Variants in TENM4 observed in about 807,000 individuals in gnomAD.
The protein encoded by TENM4 is teneurin transmembrane protein 4.
TENM4 carries 82 observed loss-of-function variants against 243.3 expected under a neutral mutation model. The observed-to-expected ratio is 0.34, with a 90% CI of 0.28 to 0.40. The LOEUF is 0.40. Ranked by LOEUF, TENM4 falls within the 10% of genes least tolerant of loss-of-function variation. TENM4 has a pLI of 1.00. For missense variants in TENM4, 3,138 were observed against 3,673.3 expected (o/e 0.85, Z 3.77); for synonymous variants, 1,412 against 1,456.3 (o/e 0.97, Z 0.69).
At chr11:79,106,565 G>A (rs907975122) in intron 4 of TENM4, among the ~76,000 whole-genome samples, 1 of 152,252 alleles carries the variant, frequency 6.6e-6, no homozygotes, top group Non-Finnish European at 1.5e-5. Context: ...GTGCTTGACA[G>A]ACGTCGGTCC....
At chr11:78,983,601 T>C (rs1367743413) in intron 6 of TENM4, among the ~76,000 whole-genome samples, 1 of 152,214 alleles carries the variant, frequency 6.6e-6, no homozygotes, top group Admixed American at 6.5e-5. Context: ...TACTGGAGAC[T>C]AGCGGCTTCC....
chr11:78,847,278 G>A (rs142516987), intron 12 of TENM4, among the ~76,000 whole-genome samples: 23 of 152,302 alleles, frequency 1.5e-4, no homozygotes, highest in African/African-American at 5.1e-4. Context: ...GGTTCCTGCA[G>A]TGTCCTTGGG....
chr11:79,162,781 C>G (rs1862779730), intron 3 of TENM4, among the ~76,000 whole-genome samples: 1 of 152,180 alleles, frequency 6.6e-6, no homozygotes, highest in Non-Finnish European at 1.5e-5. Flanking sequence ...GAAGGTCTCC[C>G]TCCTGGCTCC....
At chr11:79,204,762 C>T (rs1863815407) in intron 3 of TENM4, among the ~76,000 whole-genome samples, 1 of 152,174 alleles carries the variant, frequency 6.6e-6, no homozygotes, top group African/African-American at 2.4e-5. Flanking sequence ...GAGTCTTACA[C>T]ATGTGCACAA....
chr11:78,923,804 T>C (rs1856496934), intron 6 of TENM4, among the ~76,000 whole-genome samples: 1 of 144,706 alleles, frequency 6.9e-6, no homozygotes, highest in African/African-American at 2.5e-5. Context: ...CCTCCGAAAG[T>C]GCTAGGATTA....
At chr11:79,193,901 C>T (rs1206100013) in intron 3 of TENM4, among the ~76,000 whole-genome samples, 1 of 152,152 alleles carries the variant, frequency 6.6e-6, no homozygotes, top group Non-Finnish European at 1.5e-5. Flanking sequence ...GCTGCTGAGA[C>T]ATCCAGACAG....
intron 3 of TENM4, among the ~76,000 whole-genome samples, chr11:79,149,797 G>A (rs1265798380): frequency 6.6e-6 from 1 of 152,074 alleles, no homozygotes; most frequent in Non-Finnish European, 1.5e-5. Context: ...CTGTAATAAG[G>A]TATGTGAGCA....
intron 6 of TENM4, among the ~76,000 whole-genome samples, chr11:78,978,102 G>C (rs562858471): frequency 1.3e-5 from 2 of 152,034 alleles, no homozygotes; most frequent in Non-Finnish European, 2.9e-5. Context: ...ACTAACACAG[G>C]AACAGAAAAC....
chr11:78,935,393 A>G (rs1856763519), intron 6 of TENM4, among the ~76,000 whole-genome samples: 1 of 152,198 alleles, frequency 6.6e-6, no homozygotes, highest in Admixed American at 6.5e-5. Flanking sequence ...ATTAAGTTCC[A>G]GGCACCTTTT....
At chr11:78,884,162 T>C (rs1224414489) in intron 9 of TENM4, among the ~76,000 whole-genome samples, 3 of 152,192 alleles carry the variant, frequency 2.0e-5, no homozygotes, top group Admixed American at 6.5e-5. Flanking sequence ...ACTTTACAGA[T>C]AGGGCAACTG....
intron 1 of TENM4, among the ~76,000 whole-genome samples, chr11:79,385,890 C>T (rs1170526384): frequency 6.6e-6 from 1 of 152,114 alleles, no homozygotes; most frequent in Non-Finnish European, 1.5e-5. Flanking sequence ...CCCTCCAAAC[C>T]CCACTTGCCA....
At chr11:78,745,037 C>T (rs1856015135) in intron 19 of TENM4, among the ~76,000 whole-genome samples, 1 of 152,034 alleles carries the variant, frequency 6.6e-6, no homozygotes, top group Non-Finnish European at 1.5e-5. Flanking sequence ...TTTGTATTTA[C>T]CTTGCAAGAA....
chr11:79,020,967 T>G (rs1007752798), intron 6 of TENM4, among the ~76,000 whole-genome samples: 3 of 152,184 alleles, frequency 2.0e-5, no homozygotes, highest in African/African-American at 4.8e-5. Flanking sequence ...CCTAATAGAA[T>G]GCACAGTGTT....
intron 2 of TENM4, among the ~76,000 whole-genome samples, chr11:79,277,446 G>T (rs1856077898): frequency 6.6e-6 from 1 of 152,224 alleles, no homozygotes; most frequent in African/African-American, 2.4e-5. Flanking sequence ...GCTCAAAGAA[G>T]TGAAAGTAAC....
At chr11:79,161,650 G>C (rs377278395) in intron 3 of TENM4, among the ~76,000 whole-genome samples, 38 of 152,284 alleles carry the variant, frequency 2.5e-4, no homozygotes, top group African/African-American at 8.9e-4. Context: ...TCCAGAAGGA[G>C]CCACTTCGCC....
intron 2 of TENM4, among the ~76,000 whole-genome samples, chr11:79,259,545 C>A (rs1458626549): frequency 2.7e-5 from 4 of 148,970 alleles, no homozygotes; most frequent in Non-Finnish European, 4.5e-5. Flanking sequence ...ACCTACCTAC[C>A]CATATACTCA....
intron 1 of TENM4, among the ~76,000 whole-genome samples, chr11:79,386,252 C>T (rs536101619): frequency 6.6e-6 from 1 of 152,258 alleles, no homozygotes; most frequent in African/African-American, 2.4e-5. Flanking sequence ...TCATACTTCA[C>T]ACAAAAATCA....
chr11:78,858,383 A>G (rs1446754267), intron 10 of TENM4, among the ~76,000 whole-genome samples: 1 of 151,644 alleles, frequency 6.6e-6, no homozygotes, highest in African/African-American at 2.4e-5. Context: ...AAAAAAGTGA[A>G]CTCTGCTCTG....
intron 1 of TENM4, among the ~76,000 whole-genome samples, chr11:79,306,880 T>C (rs1856634318): frequency 6.6e-6 from 1 of 151,722 alleles, no homozygotes; most frequent in Non-Finnish European, 1.5e-5. Context: ...GGCAGATGTA[T>C]GTCCTTCATT....
Sources: allele counts gnomAD v4.1 joint callset (sites outside exome capture counted in the v4.1 genomes callset), GRCh38; gene constraint gnomAD v4.1.1; transcripts MANE v1.5; gene names NCBI Gene and HGNC (gene_info 2026-07-23, HGNC 2026-07-21).